Variants in PRR16 observed in about 807,000 individuals in gnomAD.
The protein encoded by PRR16 is protein Largen.
In PRR16, 6 loss-of-function variants were observed where a neutral mutation model predicts 18.2. That is an observed-to-expected ratio of 0.33 (90% CI 0.18 to 0.65). PRR16 has a LOEUF of 0.65. PRR16 is among the 30% of genes least tolerant of loss of function. The pLI is 0.74. For missense variants in PRR16, 412 were observed against 376.6 expected, an observed-to-expected ratio of 1.09 and a Z score of -0.78; for synonymous variants, 151 against 147.8, an observed-to-expected ratio of 1.02 and a Z score of -0.16.
intron 1 of PRR16, among the ~76,000 whole-genome samples, chr5:120,655,762 A>C: frequency 6.7e-6 from 1 of 148,838 alleles, no homozygotes; most frequent in Non-Finnish European, 1.5e-5. Flanking sequence ...AATGCAACCC[A>C]TATTTTCAAA....
At chr5:120,636,822 AAATAAT>A (rs1174086473) in intron 1 of PRR16, among the ~76,000 whole-genome samples, 2 of 152,126 alleles carry the variant, frequency 1.3e-5, no homozygotes, top group Admixed American at 1.3e-4. Flanking sequence ...CAGCAAAAAT[AAATAAT>A]AATAATCAGC....
At chr5:120,531,910 T>G (rs557558317) in intron 1 of PRR16, among the ~76,000 whole-genome samples, 1 of 152,296 alleles carries the variant, frequency 6.6e-6, no homozygotes, top group South Asian at 2.1e-4. Flanking sequence ...ACAAGTGTTG[T>G]TAATTAGCAT....
chr5:120,592,324 C>T (rs1392081769), intron 1 of PRR16, among the ~76,000 whole-genome samples: 1 of 152,112 alleles, frequency 6.6e-6, no homozygotes, highest in African/African-American at 2.4e-5. Context: ...TAACTCTTGT[C>T]GTAGGAGCTG....
At chr5:120,771,706 T>C in the PRR16 span, among the ~76,000 whole-genome samples, 1 of 152,002 alleles carries the variant, frequency 6.6e-6, no homozygotes, top group Admixed American at 6.6e-5. Flanking sequence ...AGTGCTCCAG[T>C]CTGAAGGGGA....
chr5:120,649,945 T>G (rs1160648716), intron 1 of PRR16, among the ~76,000 whole-genome samples: 3 of 152,092 alleles, frequency 2.0e-5, no homozygotes, highest in Non-Finnish European at 4.4e-5. Flanking sequence ...GTGTATATTT[T>G]TGGACATTTT....
chr5:120,507,013 A>G (rs1281894873), intron 1 of PRR16, among the ~76,000 whole-genome samples: 1 of 152,108 alleles, frequency 6.6e-6, no homozygotes, highest in Non-Finnish European at 1.5e-5. Context: ...TTTAATGTCT[A>G]CTGCTCCATT....
chr5:120,754,244 ATAT>A, the PRR16 span, among the ~76,000 whole-genome samples: 40 of 105,776 alleles, frequency 3.8e-4, no homozygotes, highest in African/African-American at 5.0e-4. Flanking sequence ...ATATAATTAG[ATAT>A]TATAATATAA....
At chr5:120,582,609 G>A (rs1753309659) in intron 1 of PRR16, among the ~76,000 whole-genome samples, 1 of 152,074 alleles carries the variant, frequency 6.6e-6, no homozygotes, top group Non-Finnish European at 1.5e-5. Flanking sequence ...AAGAAATATT[G>A]TTAAGGACTT....
the PRR16 span, among the ~76,000 whole-genome samples, chr5:120,736,426 A>C: frequency 6.6e-6 from 1 of 151,596 alleles, no homozygotes; most frequent in Non-Finnish European, 1.5e-5. Flanking sequence ...CACCATGCCC[A>C]GCTAATTTTT....
intron 1 of PRR16, among the ~76,000 whole-genome samples, chr5:120,613,111 T>G (rs1257867145): frequency 6.6e-6 from 1 of 152,168 alleles, no homozygotes; most frequent in Non-Finnish European, 1.5e-5. Flanking sequence ...AAACTTATAA[T>G]GCAAATATTT....
the PRR16 span, among the ~76,000 whole-genome samples, chr5:120,694,702 T>C: frequency 6.7e-6 from 1 of 148,490 alleles, no homozygotes; most frequent in African/African-American, 2.5e-5. Context: ...AAAAAAAGAA[T>C]TCTAAGAAAA....
intron 1 of PRR16, among the ~76,000 whole-genome samples, chr5:120,522,835 C>T (rs1276766410): frequency 6.6e-6 from 1 of 152,070 alleles, no homozygotes; most frequent in Non-Finnish European, 1.5e-5. Context: ...ACAGGATGGT[C>T]TCGATCTCCT....
chr5:120,607,123 A>G (rs752712479), intron 1 of PRR16, among the ~76,000 whole-genome samples: 101 of 152,332 alleles, frequency 6.6e-4, no homozygotes, highest in Non-Finnish European at 1.3e-3. Context: ...ATTGAAACCT[A>G]TAAATAGTGG....
intron 1 of PRR16, chr5:120,481,423 G>A (rs1749614153): frequency 2.1e-5 from 5 of 242,606 alleles, no homozygotes; most frequent in East Asian, 1.5e-4. Context: ...GAGCCACCAC[G>A]CCTGGCCCGT....
intron 1 of PRR16, among the ~76,000 whole-genome samples, chr5:120,536,541 A>G (rs890214698): frequency 1.3e-5 from 2 of 152,220 alleles, no homozygotes; most frequent in African/African-American, 4.8e-5. Flanking sequence ...TATACATTGT[A>G]TAGTTTACAC....
intron 1 of PRR16, among the ~76,000 whole-genome samples, chr5:120,574,035 A>G (rs1752996511): frequency 1.3e-5 from 2 of 152,102 alleles, no homozygotes; most frequent in African/African-American, 2.4e-5. Flanking sequence ...TGTAGTAGAC[A>G]AATACAATTT....
intron 1 of PRR16, among the ~76,000 whole-genome samples, chr5:120,637,335 A>C (rs970587488): frequency 5.3e-5 from 8 of 150,586 alleles, no homozygotes; most frequent in African/African-American, 1.9e-4. Context: ...AAAAAAAAAA[A>C]AAAAAAAACT....
chr5:120,516,174 A>T (rs1375650915), intron 1 of PRR16, among the ~76,000 whole-genome samples: 2 of 152,184 alleles, frequency 1.3e-5, no homozygotes, highest in Non-Finnish European at 2.9e-5. Context: ...CCGTAATCTC[A>T]GCACTTTGGG....
chr5:120,701,698 A>G, the PRR16 span, among the ~76,000 whole-genome samples: 3 of 152,078 alleles, frequency 2.0e-5, no homozygotes, highest in African/African-American at 7.2e-5. Context: ...GGAAGATTAG[A>G]AAGACTCAGC....
Sources: allele counts gnomAD v4.1 joint callset (sites outside exome capture counted in the v4.1 genomes callset), GRCh38; gene constraint gnomAD v4.1.1; transcripts MANE v1.5; gene names NCBI Gene and HGNC (gene_info 2026-07-23, HGNC 2026-07-21).